ASTN2: variants seen among roughly 807,000 people sequenced by gnomAD.
ASTN2 encodes the protein astrotactin-2.
A neutral mutation model predicts 139.8 loss-of-function variants in ASTN2; 54 were observed. That is an observed-to-expected ratio of 0.39 (90% CI 0.31 to 0.48). ASTN2 has a LOEUF of 0.48. Ranked by LOEUF, ASTN2 falls within the 20% of genes least tolerant of loss-of-function variation. ASTN2 has a pLI of 0.95. For synonymous variants in ASTN2, 756 were observed against 719.5 expected (o/e 1.05, Z -0.81); for missense variants, 1,565 against 1,725.1 (o/e 0.91, Z 1.64).
chr9:117,241,646 G>C lies in ASTN2; in HGVS notation c.631-26904C>G, dbSNP rs1165847080. Reference sequence around the variant, plus strand: ...GCTGTTGCTGATCTGACAGGAGGCAGAGCTCAGGCAGAAATGCTCATTCGC... The same window carrying C: ...GCTGTTGCTGATCTGACAGGAGGCACAGCTCAGGCAGAAATGCTCATTCGC... On this transcript the variant is annotated intron_variant, in intron 2 of 22. Coordinates refer to ENST00000313400, the MANE Select transcript of ASTN2 (RefSeq NM_001365068.1). Among the ~76,000 whole-genome samples, 3 of 152,186 alleles carry C rather than the reference G, an allele frequency of 2.0e-5. No homozygotes were observed. The East Asian group carries it at 5.8e-4, about 29-fold the overall frequency.
chr9:117,304,978 A>C (rs1473301418), intron 1 of ASTN2, among the ~76,000 whole-genome samples: 1 of 152,184 alleles, frequency 6.6e-6, no homozygotes, highest in Admixed American at 6.5e-5. Context: ...TTCCCACCAG[A>C]ACAGTGTGTG....
At chr9:117,179,678 G>C (rs1258348051) in intron 3 of ASTN2, among the ~76,000 whole-genome samples, 1 of 152,130 alleles carries the variant, frequency 6.6e-6, no homozygotes, top group Non-Finnish European at 1.5e-5. Flanking sequence ...TCCCTCCTAT[G>C]CTTGTTTCTC....
intron 5 of ASTN2, among the ~76,000 whole-genome samples, chr9:117,076,103 G>A (rs1828273515): frequency 6.6e-6 from 1 of 152,216 alleles, no homozygotes; most frequent in African/African-American, 2.4e-5. Context: ...CAGACAATGA[G>A]ATGGGCAGTT....
intron 19 of ASTN2, among the ~76,000 whole-genome samples, chr9:116,530,229 T>C (rs916791272): frequency 1.3e-5 from 2 of 148,550 alleles, no homozygotes; most frequent in African/African-American, 4.9e-5. Flanking sequence ...GACATTATGT[T>C]AAGTGAAATA....
chr9:116,664,036 C>A (rs1231954534), intron 16 of ASTN2, among the ~76,000 whole-genome samples: 1 of 152,060 alleles, frequency 6.6e-6, no homozygotes, highest in Non-Finnish European at 1.5e-5. Flanking sequence ...TGCTTCTGCC[C>A]ATTACATCAC....
rs571686225 is a variant in ASTN2, at chr9:117,351,881, A to T, written c.443-60368T>A. Among the ~76,000 whole-genome samples, 42 of 152,284 alleles carry T rather than the reference A, an allele frequency of 2.8e-4. No homozygotes were observed. In the East Asian group the frequency reaches 7.5e-3, roughly 27 times the overall value. ...AGAGAGATTCTAGTCCTGCACACTG[A>T]CATCTGGAGCTGCAAAGTCACCTAT... On this transcript the variant is annotated intron_variant, in intron 1 of 22. Coordinates refer to ENST00000313400, the MANE Select transcript of ASTN2 (RefSeq NM_001365068.1).
At chr9:117,150,539 CCA>C (rs2132878429) in intron 3 of ASTN2, among the ~76,000 whole-genome samples, 1 of 152,174 alleles carries the variant, frequency 6.6e-6, no homozygotes, top group East Asian at 1.9e-4. Context: ...TTGAAATCAA[CCA>C]CAGTCTCTTA....
chr9:117,094,065 G>A (rs1280082269), intron 5 of ASTN2, among the ~76,000 whole-genome samples: 5 of 147,482 alleles, frequency 3.4e-5, no homozygotes, highest in Admixed American at 2.8e-4. Context: ...TGTAGTTGGT[G>A]CAGAACAAAT....
At position 117,287,346 on chromosome 9, in the gene ASTN2, G is replaced by A. The variant is rs75162827; in HGVS notation, c.630+3980C>T. ...CATAAACCCTCATAAAATACCCATG[G>A]ATTCCACATAGGGTACAGTCTTCGT... On this transcript the variant is annotated intron_variant, in intron 2 of 22. Coordinates refer to ENST00000313400, the MANE Select transcript of ASTN2 (RefSeq NM_001365068.1). Among the ~76,000 whole-genome samples the A allele has an allele frequency of 5.4e-3, 827 of 152,256 alleles. 5 individuals are homozygous for A. Among genetic ancestry groups the A allele is most frequent in the African/African-American group, 0.019 (775 of 41,556 alleles).
At chr9:116,469,736 G>A (rs1848755690) in intron 20 of ASTN2, among the ~76,000 whole-genome samples, 1 of 152,118 alleles carries the variant, frequency 6.6e-6, no homozygotes, top group Non-Finnish European at 1.5e-5. Context: ...CTGTGTTTGT[G>A]CAATTGAGTG....
intron 6 of ASTN2, among the ~76,000 whole-genome samples, chr9:117,020,002 CTGTGTGTGTGTGTGTGTGTGTGTGTG>C (rs57575432): frequency 7.1e-6 from 1 of 140,816 alleles, no homozygotes; most frequent in African/African-American, 2.6e-5. Flanking sequence ...TTCAGGGTTT[CTGTGTGTGTGTGTGTGTGTGTGTGTG>C]TGTGTGTGTG....
At chr9:117,399,028 C>T (rs760670483) in intron 1 of ASTN2, among the ~76,000 whole-genome samples, 9 of 152,148 alleles carry the variant, frequency 5.9e-5, no homozygotes, top group Non-Finnish European at 1.0e-4. Context: ...TTGTGATCTG[C>T]CCACCTCGGC....
Position 116,605,041 on chromosome 9 carries a change from A to G in ASTN2, c.3355+13283T>C, listed in dbSNP as rs10983263. On this transcript the variant is annotated intron_variant, in intron 19 of 22. Transcript: ENST00000313400. ...GCACAGAGTGACATGGAATAAAAAG[A>G]AGAGAGAGAGAGAGACAGAGAGCCA... Among the ~76,000 whole-genome samples, 741 of 146,332 alleles carry G rather than the reference A, an allele frequency of 5.1e-3. 7 individuals carry two copies. The highest frequency in any genetic ancestry group is 0.017 in the African/African-American group (711 of 41,006).
chr9:117,017,523 T>C (rs943604022), intron 6 of ASTN2, among the ~76,000 whole-genome samples: 1 of 152,174 alleles, frequency 6.6e-6, no homozygotes, highest in African/African-American at 2.4e-5. Flanking sequence ...AGCCACTGAG[T>C]TGCTGTACGA....
rs73533349 is a variant in ASTN2 at position 116,850,037 on chromosome 9, T to C, written c.2040+13546A>G. The stretch of plus-strand genomic sequence containing the variant: ...TCTGAATGGAGACAGATGCCATATA[T>C]GTTGGACCCTCAGGGGATTGAAAAG... On this transcript the variant is annotated intron_variant, in intron 11 of 22. Coordinates refer to ENST00000313400, the MANE Select transcript of ASTN2 (RefSeq NM_001365068.1). 7.4e-3 allele frequency among the ~76,000 whole-genome samples: 1,133 copies of C among 152,284 alleles called. 16 individuals carry two copies. Among genetic ancestry groups the C allele is most frequent in the African/African-American group, 0.026 (1,073 of 41,556 alleles).
rs754386218 is a variant in ASTN2 at position 116,844,985 on chromosome 9, G to A, written c.2040+18598C>T. 2.2e-4 allele frequency among the ~76,000 whole-genome samples: 33 copies of A among 152,212 alleles called. 1 individual carries two copies. The highest frequency in any genetic ancestry group is 3.8e-4 in the Non-Finnish European group (26 of 68,048). On this transcript the variant is annotated intron_variant, in intron 11 of 22. Transcript: ENST00000313400. ...GAGATTGCTGTTATTGCTGTTATTAGCTTGATGTCTGCAGAAGAGAAAACT... is the reference window on the plus strand; with the variant it reads ...GAGATTGCTGTTATTGCTGTTATTAACTTGATGTCTGCAGAAGAGAAAACT...
intron 3 of ASTN2, among the ~76,000 whole-genome samples, chr9:117,183,495 T>A (rs1831124899): frequency 6.6e-6 from 1 of 152,170 alleles, no homozygotes; most frequent in Non-Finnish European, 1.5e-5. Context: ...TTACAACAAC[T>A]CGGGTATCCA....
At position 117,235,752 on chromosome 9, in the gene ASTN2, C is replaced by A. The variant is rs187484096; in HGVS notation, c.631-21010G>T. Among the ~76,000 whole-genome samples the A allele has an allele frequency of 3.3e-5, 5 of 152,128 alleles. No homozygotes were observed. In the East Asian group the frequency reaches 9.7e-4, roughly 29 times the overall value. On this transcript the variant is annotated intron_variant, in intron 2 of 22. Transcript: ENST00000313400. ...CAGTAATGAAGATAATATTTCAATG[C>A]AACTCTTTTTTTTTTAAATACAAGT...
chr9:116,639,656 C>A (rs1000242790), intron 17 of ASTN2, among the ~76,000 whole-genome samples: 2 of 152,166 alleles, frequency 1.3e-5, no homozygotes, highest in Non-Finnish European at 1.5e-5. Flanking sequence ...TTTGATGACA[C>A]CCTCAGATAA....
Sources: allele counts gnomAD v4.1 joint callset (sites outside exome capture counted in the v4.1 genomes callset), GRCh38; gene constraint gnomAD v4.1.1; transcripts MANE v1.5; gene names NCBI Gene and HGNC (gene_info 2026-07-23, HGNC 2026-07-21).